The following VPS54 variants were observed in gnomAD, a reference collection of about 807,000 sequenced individuals.
The protein encoded by VPS54 is VPS54 subunit of GARP complex.
A neutral mutation model predicts 121.5 loss-of-function variants in VPS54; 45 were observed. That is an observed-to-expected ratio of 0.37 (90% CI 0.29 to 0.47). VPS54 has a LOEUF of 0.47. VPS54 is among the 20% of genes least tolerant of loss of function. The pLI, the probability that VPS54 is intolerant of heterozygous loss-of-function variation, is 0.99. For missense variants in VPS54, 1,090 were observed against 1,131.4 expected, an observed-to-expected ratio of 0.96 and a Z score of 0.52; for synonymous variants, 371 against 385.8, an observed-to-expected ratio of 0.96 and a Z score of 0.45.
At position 63,893,253 on chromosome 2, in the gene VPS54, T is replaced by C. The variant is rs1389270625; in HGVS notation, c.*177A>G. 3 of 703,598 alleles carry C rather than the reference T, an allele frequency of 4.3e-6. No homozygotes were observed. Among genetic ancestry groups the C allele is most frequent in the Non-Finnish European group, 7.8e-6 (3 of 384,942 alleles). The allele number at this position is 703,598 out of a possible 1,614,324, so 43.6% of individuals were successfully genotyped here. A position where few individuals can be genotyped will look rare whatever the true frequency, so the allele number is the denominator to read the frequency against. ...CACTGTAGGATGCACAAAAATGACATTCCTTGTAGATCCCACTGAATCCAG... is the reference window on the plus strand; with the variant it reads ...CACTGTAGGATGCACAAAAATGACACTCCTTGTAGATCCCACTGAATCCAG... On this transcript the variant is annotated 3_prime_UTR_variant, in exon 23 of 23. Transcript: ENST00000272322.
intron 1 of VPS54, among the ~76,000 whole-genome samples, chr2:63,993,980 G>A (rs367625587): frequency 3.9e-5 from 6 of 152,172 alleles, no homozygotes; most frequent in Non-Finnish European, 7.3e-5. Context: ...TCTAGTTAAC[G>A]TGGGAAAGAG....
At chr2:63,934,961 T>C (rs1455795554) in intron 11 of VPS54, among the ~76,000 whole-genome samples, 2 of 152,140 alleles carry the variant, frequency 1.3e-5, no homozygotes, top group Non-Finnish European at 2.9e-5. Context: ...CTCAAAACGC[T>C]TGGTTAGTTT....
chr2:63,934,112 T>C (rs758148690), intron 11 of VPS54, 99 bp from the exon 12 acceptor site: 2 of 1,041,964 alleles, frequency 1.9e-6, no homozygotes, highest in East Asian at 5.2e-5. Flanking sequence ...ACATCTATAA[T>C]CATAAATGAG....
intron 7 of VPS54, among the ~76,000 whole-genome samples, chr2:63,951,528 G>A (rs971676654): frequency 1.3e-5 from 2 of 152,026 alleles, no homozygotes; most frequent in African/African-American, 4.8e-5. Flanking sequence ...AACAGGAGGT[G>A]GTTATGAAAT....
intron 20 of VPS54, among the ~76,000 whole-genome samples, chr2:63,910,432 C>T (rs939665430): frequency 2.6e-5 from 4 of 151,960 alleles, no homozygotes; most frequent in African/African-American, 9.7e-5. Flanking sequence ...ATCTGTGAAC[C>T]GTGTAGAAGC....
In VPS54 at chr2:64,006,593, C is replaced by G. The variant is rs765503761; in HGVS notation, c.-21+12345G>C. 1.3e-3 allele frequency among the ~76,000 whole-genome samples: 200 copies of G among 152,236 alleles called. 1 individual carries two copies. The highest frequency in any genetic ancestry group is 2.2e-3 in the Non-Finnish European group (148 of 68,032). ...AGCATAATACTTGGTACATAGTAGA[C>G]ATTCAATAAATAATTGCAACAACTA... On this transcript the variant is annotated intron_variant, in intron 1 of 22. Coordinates refer to ENST00000272322, the MANE Select transcript of VPS54 (RefSeq NM_016516.3).
At position 63,983,153 on chromosome 2, in the gene VPS54, A is replaced by ATT. The variant is rs36020182; in HGVS notation, c.136+709_136+710dup. On this transcript the variant is annotated intron_variant, in intron 2 of 22. Transcript: ENST00000272322. ...TCAATTTCCCAATCATTTCCAAATG[A>ATT]TTTTTTTTTTTTTTTGAGAAACAGT... Among the ~76,000 whole-genome samples the ATT allele has an allele frequency of 3.5e-5, 5 of 144,386 alleles. No homozygotes were observed. The East Asian group carries it at 6.0e-4, about 17-fold the overall frequency. 94.7% of individuals were successfully genotyped at this position (144,386 alleles called of 152,430 possible). A position where few individuals can be genotyped will look rare whatever the true frequency, so the allele number is the denominator to read the frequency against.
intron 20 of VPS54, among the ~76,000 whole-genome samples, chr2:63,908,958 T>G (rs1436745285): frequency 1.3e-5 from 2 of 152,202 alleles, no homozygotes; most frequent in Admixed American, 6.5e-5. Context: ...GCCTTAAAAT[T>G]TCTACCAACA....
At position 63,899,488 on chromosome 2, in the gene VPS54, C is replaced by T; in HGVS notation, c.2719G>A (p.Glu907Lys). 2 of 1,613,552 alleles carry T rather than the reference C, an allele frequency of 1.2e-6. No individual in the cohort carries two copies. Among genetic ancestry groups the T allele is most frequent in the Non-Finnish European group, 8.5e-7 (1 of 1,179,794 alleles). ...TTACTTCTCACCTGTGTTTGTTCTT[C>T]TGGAAGGAGATCAAATATAGCTTCG... ...MHEAIFDLLP[E>K]EQTQMLFLRI... The change falls in exon 21 of 23, where the codon GAA becomes AAA. Residue 907 changes from glutamate to lysine, a missense_variant. Glu to Lys is a moderately conservative substitution (Grantham distance 56). Coordinates refer to ENST00000272322, the MANE Select transcript of VPS54 (RefSeq NM_016516.3).
chr2:63,960,120 TGGTGGTG>T (rs1377242702), intron 7 of VPS54, among the ~76,000 whole-genome samples: 1 of 146,002 alleles, frequency 6.8e-6, no homozygotes, highest in African/African-American at 2.6e-5. Flanking sequence ...TGGCTTGAGC[TGGTGGTG>T]GGTGGGGAGT....
intron 16 of VPS54, among the ~76,000 whole-genome samples, chr2:63,916,429 G>A (rs980806798): frequency 6.6e-6 from 1 of 152,064 alleles, no homozygotes; most frequent in South Asian, 2.1e-4. Flanking sequence ...AACTTATTAG[G>A]TGCTAGACCT....
chr2:63,968,345 CAA>C (rs909225712), intron 5 of VPS54, among the ~76,000 whole-genome samples: 1 of 148,948 alleles, frequency 6.7e-6, no homozygotes, highest in Non-Finnish European at 1.5e-5. Flanking sequence ...ACTGATGATG[CAA>C]AAGAGAAAAA....
At chr2:63,987,239 A>G (rs970840852) in intron 1 of VPS54, among the ~76,000 whole-genome samples, 1 of 152,098 alleles carries the variant, frequency 6.6e-6, no homozygotes, top group Non-Finnish European at 1.5e-5. Context: ...TTATTTTTGT[A>G]TATGGCGAAA....
At chr2:63,962,786 G>A (rs1056695768) in intron 6 of VPS54, among the ~76,000 whole-genome samples, 14 of 152,094 alleles carry the variant, frequency 9.2e-5, no homozygotes, top group Admixed American at 5.2e-4. Context: ...CTGAGAGAAA[G>A]AGAATGATCT....
At chr2:63,933,542 T>C (rs770137091) in intron 12 of VPS54, 131 bp downstream of exon 12, 3 of 789,992 alleles carry the variant, frequency 3.8e-6, no homozygotes, top group Non-Finnish European at 5.8e-6. Context: ...ATACGTTTCA[T>C]AAAATTAATA....
chr2:63,921,141 G>C (rs1408458563), intron 13 of VPS54, 65 bp downstream of exon 13: 14 of 1,500,706 alleles, frequency 9.3e-6, no homozygotes, highest in Non-Finnish European at 1.2e-5. Flanking sequence ...AGGAAGCAAA[G>C]ACATAATTCC....
At chr2:63,994,850 A>T (rs553667102) in intron 1 of VPS54, among the ~76,000 whole-genome samples, 133 of 152,354 alleles carry the variant, frequency 8.7e-4, no homozygotes, top group South Asian at 1.7e-3. Flanking sequence ...CATATGGTTT[A>T]GTAATAGACT....
intron 1 of VPS54, among the ~76,000 whole-genome samples, chr2:63,992,327 T>C (rs1260024782): frequency 6.6e-6 from 1 of 152,248 alleles, no homozygotes; most frequent in Non-Finnish European, 1.5e-5. Flanking sequence ...ATACTGGGGC[T>C]TAAATTAACA....
chr2:64,003,408 T>A (rs1024549752), intron 1 of VPS54, among the ~76,000 whole-genome samples: 11 of 152,228 alleles, frequency 7.2e-5, no homozygotes, highest in African/African-American at 2.4e-4. Context: ...AAGCTTTCTT[T>A]GGTTTCTCAC....
Sources: gnomAD v4.1 joint callset for allele counts (sites outside exome capture counted in the v4.1 genomes callset) on GRCh38, gnomAD v4.1.1 for gene constraint, MANE v1.5 for transcripts, NCBI Gene and HGNC (gene_info 2026-07-23, HGNC 2026-07-21) for gene names.